GGNBP2: variants seen among roughly 807,000 people sequenced by gnomAD.
GGNBP2 encodes gametogenetin-binding protein 2.
Under a neutral mutation model 85.9 loss-of-function variants are expected in GGNBP2, and 10 were observed. The observed-to-expected ratio is 0.12, with a 90% CI of 0.07 to 0.20. GGNBP2 has a LOEUF of 0.20. GGNBP2 is among the 10% of genes least tolerant of loss of function. The pLI, the probability that GGNBP2 is intolerant of heterozygous loss-of-function variation, is 1.00. For synonymous variants in GGNBP2, 287 were observed against 285.7 expected, an observed-to-expected ratio of 1.00 and a Z score of -0.05; for missense variants, 595 against 857.8, an observed-to-expected ratio of 0.69 and a Z score of 3.83.
chr17:36,555,865 G>A (rs1228444939), intron 3 of GGNBP2, among the ~76,000 whole-genome samples: 1 of 152,180 alleles, frequency 6.6e-6, no homozygotes, highest in East Asian at 1.9e-4. Context: ...TACATGTTTA[G>A]TATTTCCTGT....
At position 36,587,131 on chromosome 17, in the gene GGNBP2, G is replaced by C; in HGVS notation, c.1776G>C (p.Gly592=). 1 of 1,614,084 alleles carries C rather than the reference G, an allele frequency of 6.2e-7. No individual in the cohort carries two copies. Among genetic ancestry groups the C allele is most frequent in the Non-Finnish European group, 8.5e-7 (1 of 1,180,016 alleles). ...PESCCSSEKG[G]QPLPWFEHRK... is the part of the protein sequence containing the mutation. Reference sequence around the variant, plus strand: ...GCTGTTGCAGCTCTGAAAAGGGTGGGCAGCCATTGCCTTGGTTTGAGCATA... The same window carrying C: ...GCTGTTGCAGCTCTGAAAAGGGTGGCCAGCCATTGCCTTGGTTTGAGCATA... Residue 592 remains glycine (G), a synonymous_variant, in exon 13 of 14, where the codon GGG becomes GGC. Coordinates refer to ENST00000613102, the MANE Select transcript of GGNBP2 (RefSeq NM_024835.5).
At chr17:36,554,932 G>A (rs989682122) in intron 3 of GGNBP2, 32 bp downstream of exon 3, 16 of 1,238,806 alleles carry the variant, frequency 1.3e-5, no homozygotes, top group African/African-American at 3.0e-5. Flanking sequence ...GTTTTTAATG[G>A]TGTATGTGTA....
intron 4 of GGNBP2, 137 bp downstream of exon 4, chr17:36,557,473 T>C: frequency 2.7e-6 from 2 of 730,738 alleles, no homozygotes; most frequent in Non-Finnish European, 4.5e-6. Context: ...TACCAGTGGA[T>C]GTAAAGTTTC....
At chr17:36,579,137 T>C in intron 7 of GGNBP2, 108 bp from the exon 8 acceptor site, 1 of 846,472 alleles carries the variant, frequency 1.2e-6, no homozygotes. Context: ...TATAACTGTC[T>C]TGTTACTAGG....
At position 36,585,982 on chromosome 17, in the gene GGNBP2, T is replaced by G. The variant is rs199556259; in HGVS notation, c.1492+17T>G. The G allele has an allele frequency of 6.2e-7, 1 of 1,614,040 alleles. No homozygotes were observed. Among genetic ancestry groups the G allele is most frequent in the African/African-American group, 1.3e-5 (1 of 75,042 alleles). ...ATGAACACGGTAGGCTCACATTAAG[T>G]TTCCCAGTTATTTCTACTACATGGC... On this transcript the variant is annotated intron_variant, in intron 11 of 13. Coordinates refer to ENST00000613102, the MANE Select transcript of GGNBP2 (RefSeq NM_024835.5).
Position 36,570,175 on chromosome 17 carries a change from T to G in GGNBP2, c.641+2399T>G, listed in dbSNP as rs1555606543. Among the ~76,000 whole-genome samples, 6 of 151,346 alleles carry G rather than the reference T, an allele frequency of 4.0e-5. No homozygotes were observed. In the South Asian group the frequency reaches 1.0e-3, roughly 26 times the overall value. On this transcript the variant is annotated intron_variant, in intron 6 of 13. Transcript: ENST00000613102. Reference sequence around the variant, plus strand: ...GGTAGATGGTTTGAGCTCAGGAGTTTTAGACCAGCCTAGACAACATGGTAA... The same window carrying G: ...GGTAGATGGTTTGAGCTCAGGAGTTGTAGACCAGCCTAGACAACATGGTAA...
chr17:36,573,568 A>G (rs2074547774), intron 6 of GGNBP2, among the ~76,000 whole-genome samples: 1 of 152,138 alleles, frequency 6.6e-6, no homozygotes, highest in South Asian at 2.1e-4. Context: ...CCTGGATCGT[A>G]TGGTAGTTTT....
Position 36,586,090 on chromosome 17 carries a change from T to C in GGNBP2, c.1533T>C (p.Asp511=), listed in dbSNP as rs751238022. 1 of 1,614,168 alleles carries C rather than the reference T, an allele frequency of 6.2e-7. No individual in the cohort carries two copies. Among genetic ancestry groups the C allele is most frequent in the South Asian group, 1.1e-5 (1 of 91,082 alleles). Residue 511 remains aspartate (D), a synonymous_variant, in exon 12 of 14, where the codon GAT becomes GAC. Coordinates refer to ENST00000613102, the MANE Select transcript of GGNBP2 (RefSeq NM_024835.5). ...SCVHHCEDKE[D]DGDSCVECWA... ...TTCATCACTGTGAAGACAAAGAGGA[T>C]GATGGTGATAGTTGTGTTGAATGTT...
chr17:36,587,800 T>C (rs1306083417), intron 13 of GGNBP2, among the ~76,000 whole-genome samples: 1 of 152,114 alleles, frequency 6.6e-6, no homozygotes, highest in Non-Finnish European at 1.5e-5. Context: ...GGCAGGAGAA[T>C]CACTTGAAGC....
chr17:36,545,864 T>C, intron 2 of GGNBP2, 47 bp downstream of exon 2: 1 of 1,339,720 alleles, frequency 7.5e-7, no homozygotes, highest in Non-Finnish European at 1.0e-6. Flanking sequence ...CTGGCAGCTG[T>C]TTCCCCTCCT....
intron 6 of GGNBP2, among the ~76,000 whole-genome samples, chr17:36,573,181 C>T (rs976409274): frequency 3.3e-5 from 5 of 152,032 alleles, no homozygotes; most frequent in South Asian, 2.1e-4. Context: ...GGCTTGATCT[C>T]GGTTCACTGC....
In GGNBP2 at chr17:36,587,140, G is replaced by A. The variant is rs2074710261; in HGVS notation, c.1785G>A (p.Leu595=). Residue 595 remains leucine, a synonymous_variant, in exon 13 of 14, where the codon TTG becomes TTA. Coordinates refer to ENST00000613102, the MANE Select transcript of GGNBP2 (RefSeq NM_024835.5). ...GCTCTGAAAAGGGTGGGCAGCCATT[G>A]CCTTGGTTTGAGCATAGGAAAAATG... ...CCSSEKGGQP[L]PWFEHRKNVP... The A allele has an allele frequency of 6.2e-7, 1 of 1,614,070 alleles. No homozygotes were observed. Among genetic ancestry groups the A allele is most frequent in the Non-Finnish European group, 8.5e-7 (1 of 1,180,030 alleles).
At chr17:36,565,432 AC>A (rs144385391) in intron 5 of GGNBP2, among the ~76,000 whole-genome samples, 1,700 of 152,200 alleles carry the variant, frequency 0.011, 13 homozygotes, top group Non-Finnish European at 0.016. Flanking sequence ...GATTTGAGAT[AC>A]AGATTTTTTT....
chr17:36,589,673 A>G lies in GGNBP2; in HGVS notation c.*262A>G, dbSNP rs2074739448. 1 of 480,574 alleles carries G rather than the reference A, an allele frequency of 2.1e-6. No individual in the cohort carries two copies. The highest frequency in any genetic ancestry group is 3.4e-5 in the East Asian group (1 of 29,534). The allele number at this position is 480,574 out of a possible 1,614,324, so 29.8% of individuals were successfully genotyped here. A position where few individuals can be genotyped will look rare whatever the true frequency, so the allele number is the denominator to read the frequency against. ...TGTTTCTCTTCCTGTGAGACTTACT[A>G]AAGCAACTTAGTGGCAAAAAGTAAT... On this transcript the variant is annotated 3_prime_UTR_variant, in exon 14 of 14. Coordinates refer to ENST00000613102, the MANE Select transcript of GGNBP2 (RefSeq NM_024835.5).
intron 3 of GGNBP2, among the ~76,000 whole-genome samples, chr17:36,555,755 G>C (rs890623136): frequency 1.3e-5 from 2 of 152,168 alleles, no homozygotes; most frequent in Admixed American, 6.5e-5. Flanking sequence ...ATACTTTAAA[G>C]CATATTTAGA....
At chr17:36,558,177 G>A (rs906764558) in intron 4 of GGNBP2, among the ~76,000 whole-genome samples, 4 of 151,962 alleles carry the variant, frequency 2.6e-5, no homozygotes, top group African/African-American at 9.7e-5. Context: ...ACTTTGGGAG[G>A]CCGAGGCAGT....
intron 5 of GGNBP2, among the ~76,000 whole-genome samples, chr17:36,562,969 A>G (rs2074433740): frequency 1.4e-5 from 2 of 146,966 alleles, no homozygotes; most frequent in African/African-American, 5.0e-5. Context: ...AAAAAAAAAA[A>G]AAAAAAAAAA....
chr17:36,566,396 A>C (rs560569805), intron 5 of GGNBP2, among the ~76,000 whole-genome samples: 1 of 152,144 alleles, frequency 6.6e-6, no homozygotes. Context: ...TTGGTGGCTC[A>C]CGCCTGTAAT....
At chr17:36,545,363 G>T (rs1427358105) in intron 1 of GGNBP2, 1 of 236,498 alleles carries the variant, frequency 4.2e-6, no homozygotes, top group African/African-American at 2.3e-5. Context: ...CCGGCAGGCC[G>T]GTCCCTTCCG....
Sources: allele counts gnomAD v4.1 joint callset (sites outside exome capture counted in the v4.1 genomes callset), GRCh38; gene constraint gnomAD v4.1.1; transcripts MANE v1.5; gene names NCBI Gene and HGNC (gene_info 2026-07-23, HGNC 2026-07-21).